The following CNTN4 variants were observed in gnomAD, a reference collection of about 807,000 sequenced individuals.
CNTN4 encodes contactin-4.
CNTN4 carries 77 observed loss-of-function variants against 122.5 expected under a neutral mutation model. The observed-to-expected ratio is 0.63, with a 90% CI of 0.52 to 0.76. The LOEUF (loss-of-function observed/expected upper bound fraction) is 0.76. CNTN4 is among the 30% of genes least tolerant of loss of function. The pLI, the probability that CNTN4 is intolerant of heterozygous loss-of-function variation, is 0.00. For synonymous variants in CNTN4, 512 were observed against 447.0 expected, an observed-to-expected ratio of 1.15 and a Z score of -1.83; for missense variants, 1,256 against 1,259.1, an observed-to-expected ratio of 1.00 and a Z score of 0.04.
chr3:2,331,341 T>G (rs534003544), intron 2 of CNTN4, among the ~76,000 whole-genome samples: 1 of 152,270 alleles, frequency 6.6e-6, no homozygotes, highest in Admixed American at 6.5e-5. Context: ...ATCAAGCCAT[T>G]CATATACAAG....
chr3:2,353,317 C>A (rs2044720387), intron 3 of CNTN4, among the ~76,000 whole-genome samples: 1 of 152,132 alleles, frequency 6.6e-6, no homozygotes, highest in Non-Finnish European at 1.5e-5. Flanking sequence ...CCAATCAACT[C>A]TCTATAAAAT....
chr3:2,705,906 AT>A lies in CNTN4; in HGVS notation c.56-30308del, dbSNP rs1323730768. Among the ~76,000 whole-genome samples the A allele has an allele frequency of 3.2e-4, 6 of 19,006 alleles. No homozygotes were observed. In the South Asian group the frequency reaches 6.2e-3, roughly 20 times the overall value. 12.5% of individuals were successfully genotyped at this position (19,006 alleles called of 152,430 possible). A position where few individuals can be genotyped will look rare whatever the true frequency, so the allele number is the denominator to read the frequency against. ...TTATATAATATATAAAATATATATTATATATAAAATATATGTAATATATAAT... is the reference window on the plus strand; with the variant it reads ...TTATATAATATATAAAATATATATTAATATAAAATATATGTAATATATAAT... On this transcript the variant is annotated intron_variant, in intron 4 of 24. Coordinates refer to ENST00000418658, the MANE Select transcript of CNTN4 (RefSeq NM_175607.3).
intron 6 of CNTN4, among the ~76,000 whole-genome samples, chr3:2,793,592 G>A (rs185467886): frequency 5.3e-5 from 8 of 152,188 alleles, no homozygotes; most frequent in African/African-American, 1.7e-4. Flanking sequence ...CTTAATCACT[G>A]CTATTTGAGG....
chr3:2,931,080 G>T (rs1402202965), intron 13 of CNTN4, among the ~76,000 whole-genome samples: 1 of 152,140 alleles, frequency 6.6e-6, no homozygotes, highest in African/African-American at 2.4e-5. Flanking sequence ...GCATGCTACA[G>T]AAAAATTACT....
At chr3:2,328,383 G>A (rs1329859834) in intron 2 of CNTN4, among the ~76,000 whole-genome samples, 5 of 151,726 alleles carry the variant, frequency 3.3e-5, no homozygotes, top group East Asian at 2.0e-4. Flanking sequence ...TCCAGCCTGG[G>A]CGACAGAGCG....
At chr3:2,238,337 A>T (rs1167006423) in intron 2 of CNTN4, among the ~76,000 whole-genome samples, 1 of 152,102 alleles carries the variant, frequency 6.6e-6, no homozygotes, top group African/African-American at 2.4e-5. Context: ...ATATAATGCA[A>T]CAGCAATATA....
At chr3:2,277,021 AATT>A (rs1232398282) in intron 2 of CNTN4, among the ~76,000 whole-genome samples, 2 of 152,196 alleles carry the variant, frequency 1.3e-5, no homozygotes, top group African/African-American at 2.4e-5. Flanking sequence ...ATCTTAGAAA[AATT>A]ATTATACAAA....
intron 3 of CNTN4, among the ~76,000 whole-genome samples, chr3:2,415,681 T>G (rs143567048): frequency 6.6e-6 from 1 of 152,216 alleles, no homozygotes; most frequent in Non-Finnish European, 1.5e-5. Flanking sequence ...TATTTAAGTT[T>G]TTTTCTTTTA....
chr3:2,165,514 C>G (rs749956234), intron 2 of CNTN4, among the ~76,000 whole-genome samples: 1 of 151,966 alleles, frequency 6.6e-6, no homozygotes, highest in Non-Finnish European at 1.5e-5. Flanking sequence ...ACATAGTTAC[C>G]TTTTTTTGTT....
chr3:2,115,488 G>A (rs1455907813), intron 2 of CNTN4, among the ~76,000 whole-genome samples: 1 of 152,192 alleles, frequency 6.6e-6, no homozygotes, highest in Non-Finnish European at 1.5e-5. Flanking sequence ...TTCTGTTAGG[G>A]ACATCCACAG....
intron 4 of CNTN4, among the ~76,000 whole-genome samples, chr3:2,671,256 T>C (rs145667780): frequency 0.011 from 1,600 of 152,354 alleles, 31 homozygotes; most frequent in African/African-American, 0.037. Context: ...TCTTTTCACA[T>C]AGTCCCATTT....
At chr3:2,860,391 G>C (rs1369422257) in intron 7 of CNTN4, among the ~76,000 whole-genome samples, 1 of 152,084 alleles carries the variant, frequency 6.6e-6, no homozygotes, top group Non-Finnish European at 1.5e-5. Context: ...GCTCTACTCA[G>C]CACTAATAAA....
chr3:2,289,590 T>C (rs941177800), intron 2 of CNTN4, among the ~76,000 whole-genome samples: 1 of 152,198 alleles, frequency 6.6e-6, no homozygotes, highest in Admixed American at 6.5e-5. Context: ...GGAGGAAGAT[T>C]GGATTACATA....
chr3:2,783,398 T>C (rs1052739403), intron 6 of CNTN4, among the ~76,000 whole-genome samples: 6 of 152,226 alleles, frequency 3.9e-5, no homozygotes, highest in Admixed American at 3.3e-4. Flanking sequence ...TAGGACTTCC[T>C]GTCCCTCTCC....
At chr3:2,142,371 CT>C (rs201695135) in intron 2 of CNTN4, among the ~76,000 whole-genome samples, 13 of 145,000 alleles carry the variant, frequency 9.0e-5, no homozygotes, top group Non-Finnish European at 3.0e-5. Context: ...TTTTTTCTTT[CT>C]TTTTTTTTTA....
At chr3:2,983,692 A>G (rs529483798) in intron 13 of CNTN4, among the ~76,000 whole-genome samples, 11 of 152,230 alleles carry the variant, frequency 7.2e-5, no homozygotes, top group Non-Finnish European at 1.6e-4. Context: ...TAACTTTCCC[A>G]AAGTCACACA....
chr3:2,866,141 G>T (rs2093721857), intron 7 of CNTN4, among the ~76,000 whole-genome samples: 1 of 152,160 alleles, frequency 6.6e-6, no homozygotes, highest in Non-Finnish European at 1.5e-5. Flanking sequence ...TTGATAGTAG[G>T]AGGCATTGGG....
chr3:2,608,452 G>A (rs113540358), intron 4 of CNTN4, among the ~76,000 whole-genome samples: 39 of 145,612 alleles, frequency 2.7e-4, no homozygotes, highest in African/African-American at 7.5e-4. Context: ...ATAGTGAGAC[G>A]CTGTCTGTTT....
At chr3:2,568,328 A>AAAC (rs1262792857) in intron 3 of CNTN4, among the ~76,000 whole-genome samples, 1 of 150,912 alleles carries the variant, frequency 6.6e-6, no homozygotes, top group African/African-American at 2.4e-5. Context: ...AAAAAAAAAA[A>AAAC]AAAAAAAAAA....
Sources: allele counts gnomAD v4.1 joint callset (sites outside exome capture counted in the v4.1 genomes callset), GRCh38; gene constraint gnomAD v4.1.1; transcripts MANE v1.5; gene names NCBI Gene and HGNC (gene_info 2026-07-23, HGNC 2026-07-21).